The following FARS2 variants were observed in gnomAD, a reference collection of about 807,000 sequenced individuals.
FARS2 encodes the protein phenylalanine--tRNA ligase, mitochondrial.
In FARS2, 40 loss-of-function variants were observed where a neutral mutation model predicts 46.4. The observed-to-expected ratio is 0.86, with a 90% confidence interval of 0.67 to 1.12. The LOEUF is 1.12. Ranked by LOEUF, FARS2 falls within the 50% of genes most tolerant of loss-of-function variation. The pLI, the probability that FARS2 is intolerant of heterozygous loss-of-function variation, is 0.00. For missense variants in FARS2, 513 were observed against 567.9 expected, an observed-to-expected ratio of 0.90 and a Z score of 0.98; for synonymous variants, 234 against 214.9, an observed-to-expected ratio of 1.09 and a Z score of -0.78.
At chr6:5,549,467 C>T (rs375024816) in intron 5 of FARS2, among the ~76,000 whole-genome samples, 23 of 152,160 alleles carry the variant, frequency 1.5e-4, no homozygotes, top group Middle Eastern at 3.4e-3. Flanking sequence ...TCACCTTTTC[C>T]GGCTTTTAAA....
intron 5 of FARS2, among the ~76,000 whole-genome samples, chr6:5,607,731 C>A (rs1774925073): frequency 6.6e-6 from 1 of 152,144 alleles, no homozygotes; most frequent in Admixed American, 6.5e-5. Context: ...CGCGTTTATA[C>A]TAGTCTTGAT....
intron 4 of FARS2, among the ~76,000 whole-genome samples, chr6:5,465,335 A>G (rs1765454058): frequency 6.6e-6 from 1 of 152,224 alleles, no homozygotes; most frequent in South Asian, 2.1e-4. Flanking sequence ...CACGGTTAGC[A>G]AGGTGGTTGG....
intron 1 of FARS2, among the ~76,000 whole-genome samples, chr6:5,329,284 C>T (rs1770622104): frequency 6.6e-6 from 1 of 152,100 alleles, no homozygotes; most frequent in Admixed American, 6.5e-5. Context: ...TTATCTTATT[C>T]AGTTTCTCCC....
intron 6 of FARS2, among the ~76,000 whole-genome samples, chr6:5,767,930 T>C (rs1042096148): frequency 5.3e-5 from 8 of 152,196 alleles, no homozygotes; most frequent in African/African-American, 1.7e-4. Flanking sequence ...AGGGCATCTT[T>C]CACTTGAGGA....
chr6:5,610,504 A>G (rs1360668445), intron 5 of FARS2, among the ~76,000 whole-genome samples: 1 of 152,158 alleles, frequency 6.6e-6, no homozygotes, highest in African/African-American at 2.4e-5. Context: ...AGCTACTTAC[A>G]TAACATTTAC....
chr6:5,733,828 T>C (rs767936616), intron 6 of FARS2, among the ~76,000 whole-genome samples: 1 of 152,240 alleles, frequency 6.6e-6, no homozygotes, highest in African/African-American at 2.4e-5. Flanking sequence ...GGTCCCAGCC[T>C]AGTTCTTTGC....
In FARS2 at chr6:5,759,272, C is replaced by T. The variant is rs35254679; in HGVS notation, c.1218-12019C>T. On this transcript the variant is annotated intron_variant, in intron 6 of 6. Transcript: ENST00000274680. ...GTCAGGCCTTAGCTTGTTGGTACTT[C>T]CACAGGGAACCTTCCTTGACTTTTA... 7.1e-3 allele frequency among the ~76,000 whole-genome samples: 1,087 copies of T among 152,276 alleles called. 2 individuals carry two copies. The highest frequency in any genetic ancestry group is 0.011 in the Non-Finnish European group (781 of 68,026).
chr6:5,591,786 A>T (rs1031840805), intron 5 of FARS2, among the ~76,000 whole-genome samples: 3 of 152,228 alleles, frequency 2.0e-5, no homozygotes, highest in Non-Finnish European at 2.9e-5. Flanking sequence ...GGATTCCCAT[A>T]GTACTGTGTT....
intron 5 of FARS2, among the ~76,000 whole-genome samples, chr6:5,580,174 C>T (rs1430300064): frequency 2.0e-5 from 3 of 150,776 alleles, no homozygotes; most frequent in East Asian, 2.0e-4. Flanking sequence ...CCTGTAATCC[C>T]AGCTACTCAG....
chr6:5,580,018 G>A lies in FARS2; in HGVS notation c.1066-33151G>A, dbSNP rs147231342. Among the ~76,000 whole-genome samples, 437 of 152,106 alleles carry A rather than the reference G, an allele frequency of 2.9e-3. 2 individuals are homozygous for A. Among genetic ancestry groups the A allele is most frequent in the African/African-American group, 9.9e-3 (413 of 41,514 alleles). ...TATAGAAAGAAAGGGTAGGCCGGGC[G>A]CAGTGGCTCATGCCTGTAATCCCAA... On this transcript the variant is annotated intron_variant, in intron 5 of 6. Coordinates refer to ENST00000274680, the MANE Select transcript of FARS2 (RefSeq NM_006567.5).
intron 6 of FARS2, among the ~76,000 whole-genome samples, chr6:5,679,476 C>G (rs1279234692): frequency 6.6e-6 from 1 of 152,148 alleles, no homozygotes; most frequent in Non-Finnish European, 1.5e-5. Context: ...TCCTCCAGCT[C>G]TAAATTCTGG....
At chr6:5,283,588 A>G (rs17736611) in intron 1 of FARS2, among the ~76,000 whole-genome samples, 15,290 of 151,560 alleles carry the variant, frequency 0.1, 1,007 homozygotes, top group Middle Eastern at 0.14. Flanking sequence ...AAATACATAC[A>G]GGATGAAAAA....
At chr6:5,489,972 T>C (rs905139784) in intron 4 of FARS2, among the ~76,000 whole-genome samples, 2 of 152,198 alleles carry the variant, frequency 1.3e-5, no homozygotes, top group Admixed American at 1.3e-4. Flanking sequence ...CTTCAGTAAG[T>C]ATATAGAGTC....
intron 5 of FARS2, chr6:5,609,858 G>T: frequency 9.8e-7 from 1 of 1,017,472 alleles, no homozygotes; most frequent in Non-Finnish European, 1.5e-6. Flanking sequence ...GTTCTTCAGT[G>T]TCTTTAATGC....
At chr6:5,518,061 G>T (rs1561679759) in intron 4 of FARS2, among the ~76,000 whole-genome samples, 1 of 152,172 alleles carries the variant, frequency 6.6e-6, no homozygotes, top group African/African-American at 2.4e-5. Context: ...TTAAATATGA[G>T]AGTCATGAGG....
At chr6:5,454,673 T>C (rs1389637904) in intron 4 of FARS2, among the ~76,000 whole-genome samples, 1 of 152,118 alleles carries the variant, frequency 6.6e-6, no homozygotes, top group African/African-American at 2.4e-5. Flanking sequence ...CTTTTAACAG[T>C]TAACTCTCGG....
chr6:5,442,614 T>C (rs1378101001), intron 4 of FARS2, among the ~76,000 whole-genome samples: 1 of 152,204 alleles, frequency 6.6e-6, no homozygotes, highest in East Asian at 1.9e-4. Flanking sequence ...ATTTTCAGCA[T>C]TGGGATTCTA....
At chr6:5,540,530 G>A (rs927078173) in intron 4 of FARS2, among the ~76,000 whole-genome samples, 3 of 152,084 alleles carry the variant, frequency 2.0e-5, no homozygotes, top group Non-Finnish European at 2.9e-5. Flanking sequence ...TCATTCATTC[G>A]CACTGTCGTG....
chr6:5,311,030 C>T lies in FARS2; in HGVS notation c.-22+49370C>T, dbSNP rs80302881. ...GTGCTTCCAAAGGTTTGCTAAAATA[C>T]GTGGGCAAGGATGCTTATTTCAGCA... is the stretch of plus-strand genomic sequence containing the variant. On this transcript the variant is annotated intron_variant, in intron 1 of 6. Coordinates refer to ENST00000274680, the MANE Select transcript of FARS2 (RefSeq NM_006567.5). This position sits in a 1 kb window ranked among gnomAD's most constrained non-coding sequence, Gnocchi z 4.1. Among the ~76,000 whole-genome samples the T allele has an allele frequency of 0.18, 26,815 of 152,176 alleles. 3,783 individuals carry two copies. The highest frequency in any genetic ancestry group is 0.4 in the African/African-American group (16,493 of 41,488).
Sources: allele counts gnomAD v4.1 joint callset (sites outside exome capture counted in the v4.1 genomes callset), GRCh38; gene constraint gnomAD v4.1.1; non-coding constraint Gnocchi (gnomAD v3.1); transcripts MANE v1.5; gene names NCBI Gene and HGNC (gene_info 2026-07-23, HGNC 2026-07-21).